The following ADGRV1 variants were observed in gnomAD, a reference collection of about 807,000 sequenced individuals.
ADGRV1 encodes the protein adhesion G protein-coupled receptor V1.
In ADGRV1, 359 loss-of-function variants were observed where a neutral mutation model predicts 596.2. The observed-to-expected ratio is 0.60, with a 90% CI of 0.55 to 0.66. The LOEUF is 0.66. Ranked by LOEUF, ADGRV1 falls within the 30% of genes least tolerant of loss-of-function variation. ADGRV1 has a pLI of 0.00. For synonymous variants in ADGRV1, 2,681 were observed against 2,679.2 expected (o/e 1.00, Z -0.02); for missense variants, 7,274 against 7,575.6 (o/e 0.96, Z 1.48).
chr5:90,753,637 C>T lies in ADGRV1; in HGVS notation c.11185C>T (p.Pro3729Ser). Reference sequence around the variant, plus strand: ...TCTAACTATTCTTGCTGATAATATACCAGAGTTATCAGAGGTTGTGATTGT... The same window carrying T: ...TCTAACTATTCTTGCTGATAATATATCAGAGTTATCAGAGGTTGTGATTGT... ...ITLTILADNI[P>S]ELSEVVIVTL... Residue 3729 changes from proline (P) to serine (S), a missense_variant, in exon 54 of 90, where the codon CCA becomes TCA. Pro to Ser is a moderately conservative substitution (Grantham distance 74, BLOSUM62 -1). Around this residue, in one of 5 missense-constraint regions of ADGRV1, gnomAD observed 3,643 missense variants for 3,809.2 expected, o/e 0.96. Transcript: ENST00000405460. 1 of 1,611,462 alleles carries T rather than the reference C, an allele frequency of 6.2e-7. No individual in the cohort carries two copies. The highest frequency in any genetic ancestry group is 8.5e-7 in the Non-Finnish European group (1 of 1,177,768).
At chr5:91,069,902 A>G (rs1280645004) in intron 85 of ADGRV1, among the ~76,000 whole-genome samples, 2 of 150,126 alleles carry the variant, frequency 1.3e-5, no homozygotes, top group East Asian at 3.9e-4. Flanking sequence ...TGTGGTACAT[A>G]TAAACCATAG....
intron 86 of ADGRV1, among the ~76,000 whole-genome samples, chr5:91,094,491 C>A (rs1310793054): frequency 6.6e-6 from 1 of 150,842 alleles, no homozygotes; most frequent in East Asian, 2.0e-4. Flanking sequence ...GTTTCTCTGG[C>A]CATAATAGGA....
rs1561417477 is a variant in ADGRV1, at chr5:90,629,482, A to G, written c.1782A>G (p.Thr594=). The G allele has an allele frequency of 2.5e-6, 4 of 1,613,426 alleles. No individual in the cohort carries two copies. The highest frequency in any genetic ancestry group is 3.4e-6 in the Non-Finnish European group (4 of 1,179,752). The change falls in exon 9 of 90, where the codon ACA becomes ACG. Residue 594 remains threonine, a synonymous_variant. Coordinates refer to ENST00000405460, the MANE Select transcript of ADGRV1 (RefSeq NM_032119.4). The part of the protein sequence containing the change: ...IFPEQKTQVT[T]KLPIRNDAFL... Reference sequence around the variant, plus strand: ...CAGAGCAAAAAACTCAAGTCACTACAAAATTACCAATAAGAAATGATGCAT... The same window carrying G: ...CAGAGCAAAAAACTCAAGTCACTACGAAATTACCAATAAGAAATGATGCAT...
intron 85 of ADGRV1, among the ~76,000 whole-genome samples, chr5:91,070,424 T>A (rs1255091256): frequency 6.6e-6 from 1 of 152,204 alleles, no homozygotes; most frequent in Non-Finnish European, 1.5e-5. Flanking sequence ...AATCTAGGTT[T>A]GTAGATATTA....
At chr5:91,137,980 T>C (rs7736218) in intron 87 of ADGRV1, among the ~76,000 whole-genome samples, 1,608 of 152,330 alleles carry the variant, frequency 0.011, 38 homozygotes, top group African/African-American at 0.037. Flanking sequence ...GCTTCTACAA[T>C]GCTGGTCCCT....
chr5:90,590,308 C>G (rs966567841), intron 1 of ADGRV1, among the ~76,000 whole-genome samples: 30 of 152,308 alleles, frequency 2.0e-4, no homozygotes, highest in African/African-American at 6.7e-4. Context: ...ATCATAGTTG[C>G]AGCTCGATAA....
intron 85 of ADGRV1, among the ~76,000 whole-genome samples, chr5:91,017,199 G>A (rs1406440753): frequency 6.6e-6 from 1 of 151,978 alleles, no homozygotes; most frequent in African/African-American, 2.4e-5. Context: ...AAGAGGTGCT[G>A]TTCTGTCTTG....
chr5:90,881,869 G>A (rs932688978), intron 83 of ADGRV1, among the ~76,000 whole-genome samples: 1 of 152,044 alleles, frequency 6.6e-6, no homozygotes, highest in Non-Finnish European at 1.5e-5. Flanking sequence ...TGGGACTATA[G>A]GCTCAACTTT....
chr5:90,566,799 G>A (rs558166213), intron 1 of ADGRV1, among the ~76,000 whole-genome samples: 5 of 151,548 alleles, frequency 3.3e-5, no homozygotes, highest in Non-Finnish European at 5.9e-5. Flanking sequence ...CCAAGGATAC[G>A]TTTTATTTTT....
rs374946426 is a variant in ADGRV1, at chr5:90,625,240, C to A, written c.669C>A (p.Asp223Glu). 1.2e-6 allele frequency: 2 copies of A among 1,600,246 alleles called. No individual in the cohort carries two copies. The highest frequency in any genetic ancestry group is 2.2e-5 in the East Asian group (1 of 44,782). ...TVIYNLTVLD[D>E]EVPENDEIFL... ...TTTATAACTTGACAGTACTCGATGACGAGGTTGGCTAATGTTACATACCCA... is the reference window on the plus strand; with the variant it reads ...TTTATAACTTGACAGTACTCGATGAAGAGGTTGGCTAATGTTACATACCCA... Residue 223 changes from aspartate to glutamate, a missense_variant, in exon 6 of 90, where the codon GAC becomes GAA. Around this residue, in one of 5 missense-constraint regions of ADGRV1, gnomAD observed 1,715 missense variants for 1,708.8 expected, o/e 1.00. Coordinates refer to ENST00000405460, the MANE Select transcript of ADGRV1 (RefSeq NM_032119.4).
At chr5:90,783,812 C>T (rs1271641019) in intron 66 of ADGRV1, 26 bp from the exon 67 acceptor site, 6 of 1,530,582 alleles carry the variant, frequency 3.9e-6, no homozygotes, top group Non-Finnish European at 5.4e-6. Context: ...TTTAGACTCA[C>T]AGAATTGCTC....
intron 83 of ADGRV1, among the ~76,000 whole-genome samples, chr5:90,890,977 A>T (rs577114581): frequency 3.3e-4 from 50 of 152,154 alleles, no homozygotes; most frequent in African/African-American, 1.2e-3. Flanking sequence ...AACAAAATGT[A>T]TGACAGTGGA....
At chr5:90,947,532 A>G (rs971653232) in intron 83 of ADGRV1, among the ~76,000 whole-genome samples, 1 of 152,032 alleles carries the variant, frequency 6.6e-6, no homozygotes, top group Non-Finnish European at 1.5e-5. Context: ...TTAAATGTTG[A>G]TGTGATTCTC....
chr5:91,033,084 A>G (rs79010996), intron 85 of ADGRV1, among the ~76,000 whole-genome samples: 2,678 of 152,214 alleles, frequency 0.018, 74 homozygotes, highest in African/African-American at 0.061. Context: ...TATTTCTACT[A>G]TCTTACTTTG....
chr5:90,743,989 G>GATAT (rs10544139), intron 50 of ADGRV1, among the ~76,000 whole-genome samples: 5 of 151,392 alleles, frequency 3.3e-5, no homozygotes, highest in Non-Finnish European at 5.9e-5. Flanking sequence ...CCTATTAACT[G>GATAT]ATATATATAT....
At position 90,959,396 on chromosome 5, in the gene ADGRV1, G is replaced by A. The variant is rs572874742; in HGVS notation, c.17857-6019G>A. On this transcript the variant is annotated intron_variant, in intron 83 of 89. Transcript: ENST00000405460. ...ACTGTATTCATGAGATGCAAGAGTG[G>A]ATATTGTTAATATGTCAGTTCTCCC... Among the ~76,000 whole-genome samples the A allele has an allele frequency of 3.3e-5, 5 of 152,066 alleles. No homozygotes were observed. The East Asian group carries it at 9.7e-4, about 29-fold the overall frequency.
Position 90,754,994 on chromosome 5 carries a change from A to G in ADGRV1, c.11389A>G (p.Thr3797Ala). The change falls in exon 55 of 90, where the codon ACT becomes GCT. Residue 3797 changes from threonine to alanine, a missense_variant. Around this residue, in one of 5 missense-constraint regions of ADGRV1, gnomAD observed 3,643 missense variants for 3,809.2 expected, o/e 0.96. Transcript: ENST00000405460. ...TGTTTCTCTCACAGAAAACACCACC[A>G]CTCTTCAGTTACAAATAGCTCGAGA... The part of the protein sequence containing the change: ...RVAEPKENTT[T>A]LQLQIARDKG... 6.2e-7 allele frequency: 1 copy of G among 1,611,748 alleles called. No individual in the cohort carries two copies. Among genetic ancestry groups the G allele is most frequent in the Non-Finnish European group, 8.5e-7 (1 of 1,178,162 alleles).
At chr5:90,833,692 A>G (rs80059473) in intron 77 of ADGRV1, among the ~76,000 whole-genome samples, 3,539 of 152,166 alleles carry the variant, frequency 0.023, 76 homozygotes, top group Middle Eastern at 0.038. Context: ...TTAATTTTCC[A>G]TATGGTTCAC....
chr5:90,892,818 A>G, intron 83 of ADGRV1, among the ~76,000 whole-genome samples: 1 of 152,214 alleles, frequency 6.6e-6, no homozygotes, highest in East Asian at 1.9e-4. Context: ...TACTAATTCT[A>G]AATGATTTTT....
Sources: allele counts gnomAD v4.1 joint callset (sites outside exome capture counted in the v4.1 genomes callset), GRCh38; gene constraint gnomAD v4.1.1; regional missense constraint gnomAD v4.1.1; transcripts MANE v1.5; gene names NCBI Gene and HGNC (gene_info 2026-07-23, HGNC 2026-07-21).